DNAH6: variants seen among roughly 807,000 people sequenced by gnomAD.
DNAH6 encodes dynein axonemal heavy chain 6.
A neutral mutation model predicts 491.4 loss-of-function variants in DNAH6; 340 were observed. The ratio of observed to expected loss-of-function variants is 0.69; its 90% CI spans 0.63 to 0.76. The LOEUF is 0.76. Ranked by LOEUF, DNAH6 falls within the 30% of genes least tolerant of loss-of-function variation. The probability of loss-of-function intolerance (pLI) is 0.00; values close to 1 mark genes in which losing one functional copy is unlikely to be tolerated. For synonymous variants in DNAH6, 1,603 were observed against 1,686.1 expected (o/e 0.95, Z 1.21); for missense variants, 4,443 against 4,972.2 (o/e 0.89, Z 3.20).
chr2:84,731,972 C>T (rs1699155853), intron 61 of DNAH6, among the ~76,000 whole-genome samples: 1 of 152,118 alleles, frequency 6.6e-6, no homozygotes, highest in Non-Finnish European at 1.5e-5. Flanking sequence ...TAGATGCAGT[C>T]AGGGAAAGAA....
chr2:84,601,014 TTATAATAATAATGTTATTATTATAC>T (rs1248671822), intron 18 of DNAH6, among the ~76,000 whole-genome samples: 64 of 133,402 alleles, frequency 4.8e-4, no homozygotes, highest in East Asian at 9.8e-4. Context: ...TATAATAATA[TTATAATAATAATGTTATTATTATAC>T]TATAATAATA....
At chr2:84,737,351 TAGTG>T (rs1699605763) in intron 62 of DNAH6, among the ~76,000 whole-genome samples, 2 of 152,126 alleles carry the variant, frequency 1.3e-5, no homozygotes, top group Admixed American at 1.3e-4. Context: ...TAGAATGAGA[TAGTG>T]AGGAGTCCCT....
rs1399933692 is a variant in DNAH6, at chr2:84,711,517, G to A, written c.9378+1105G>A. 3.3e-5 allele frequency among the ~76,000 whole-genome samples: 5 copies of A among 152,128 alleles called. 1 individual carries two copies. The highest frequency in any genetic ancestry group is 1.2e-4 in the African/African-American group (5 of 41,416). ...ACTAGGAATTGTAATTAATATGTTAGCATTAACTAATATTTATTGCATGTT... is the reference window on the plus strand; with the variant it reads ...ACTAGGAATTGTAATTAATATGTTAACATTAACTAATATTTATTGCATGTT... On this transcript the variant is annotated intron_variant, in intron 56 of 76. Transcript: ENST00000389394.
Position 84,606,957 on chromosome 2 carries a change from T to C in DNAH6, c.3175-19T>C, listed in dbSNP as rs778880475. 48 of 1,547,454 alleles carry C rather than the reference T, an allele frequency of 3.1e-5. No individual in the cohort carries two copies. In the South Asian group the frequency reaches 5.7e-4, roughly 18 times the overall value. On this transcript the variant is annotated intron_variant, in intron 20 of 76. Coordinates refer to ENST00000389394, the MANE Select transcript of DNAH6 (RefSeq NM_001370.2). Reference sequence around the variant, plus strand: ...CAAATACTGGGTGCTGCATGTATTTTCTTCCCCTTCCTTTAAAGGTCCTTC... The same window carrying C: ...CAAATACTGGGTGCTGCATGTATTTCCTTCCCCTTCCTTTAAAGGTCCTTC...
At chr2:84,547,960 G>T (rs574062547) in intron 7 of DNAH6, among the ~76,000 whole-genome samples, 1 of 152,234 alleles carries the variant, frequency 6.6e-6, no homozygotes, top group South Asian at 2.1e-4. Context: ...TTGACCTTAG[G>T]ATTGACTCAG....
chr2:84,509,260 G>A, the DNAH6 span, among the ~76,000 whole-genome samples: 2 of 152,034 alleles, frequency 1.3e-5, no homozygotes, highest in South Asian at 2.1e-4. Flanking sequence ...TCCTGTATTG[G>A]GTGCATATAC....
chr2:84,495,387 T>C, the DNAH6 span, among the ~76,000 whole-genome samples: 1 of 152,188 alleles, frequency 6.6e-6, no homozygotes, highest in African/African-American at 2.4e-5. Context: ...GGTCTCGAAC[T>C]CCTGACCTCA....
Position 84,653,323 on chromosome 2 carries a change from A to G in DNAH6, c.5083A>G (p.Ile1695Val), listed in dbSNP as rs190676628. ...ATTTTATTTTTGTTTTGACAGTGGA[A>G]TCATATCTGACCTTTTTCCTGGAGT... Reference protein sequence around the residue: ...LTDDALLFSGIISDLFPGVQI... With the variant: ...LTDDALLFSGVISDLFPGVQI... Residue 1695 changes from isoleucine to valine, a missense_variant, in exon 34 of 77, where the codon ATC becomes GTC. Ile to Val is a conservative substitution (Grantham distance 29). This residue lies in a region of DNAH6 where 2,977 missense variants were observed against 3,296.6 expected (regional missense o/e 0.90). Coordinates refer to ENST00000389394, the MANE Select transcript of DNAH6 (RefSeq NM_001370.2). 2.0e-6 allele frequency: 3 copies of G among 1,520,760 alleles called. No homozygotes were observed. The highest frequency in any genetic ancestry group is 2.8e-5 in the African/African-American group (2 of 71,844). The allele number at this position is 1,520,760 out of a possible 1,614,324, so 94.2% of individuals were successfully genotyped here.
At chr2:84,594,746 G>A (rs1437319076) in intron 17 of DNAH6, among the ~76,000 whole-genome samples, 2 of 152,134 alleles carry the variant, frequency 1.3e-5, no homozygotes, top group East Asian at 1.9e-4. Flanking sequence ...CTGTGCTGAT[G>A]CCTATAATTA....
intron 2 of DNAH6, 28 bp downstream of exon 2, chr2:84,518,079 T>A: frequency 1.3e-6 from 2 of 1,492,734 alleles, no homozygotes; most frequent in Non-Finnish European, 1.8e-6. Context: ...TGTTTTAGCC[T>A]CTGTAGCCAC....
At chr2:84,477,624 C>A in the DNAH6 span, among the ~76,000 whole-genome samples, 1 of 152,158 alleles carries the variant, frequency 6.6e-6, no homozygotes, top group Non-Finnish European at 1.5e-5. Flanking sequence ...CACATTGACT[C>A]ACATTTTTGT....
At chr2:84,644,169 G>A (rs888969227) in intron 33 of DNAH6, among the ~76,000 whole-genome samples, 17 of 152,164 alleles carry the variant, frequency 1.1e-4, no homozygotes, top group African/African-American at 4.1e-4. Flanking sequence ...AGGTGGTACA[G>A]GGTGGCTACA....
chr2:84,691,797 T>TA (rs1172675886), intron 45 of DNAH6, among the ~76,000 whole-genome samples: 5 of 152,018 alleles, frequency 3.3e-5, no homozygotes, highest in Non-Finnish European at 7.4e-5. Flanking sequence ...TTTCAACCAT[T>TA]AAAAAAAATC....
intron 48 of DNAH6, 56 bp downstream of exon 48, chr2:84,699,790 G>C (rs1261227142): frequency 1.1e-5 from 17 of 1,521,378 alleles, no homozygotes; most frequent in Non-Finnish European, 1.5e-5. Context: ...GACTTTAAAG[G>C]GGTAACACAT....
At chr2:84,697,150 A>G (rs1021290182) in intron 46 of DNAH6, among the ~76,000 whole-genome samples, 1 of 152,212 alleles carries the variant, frequency 6.6e-6, no homozygotes, top group African/African-American at 2.4e-5. Flanking sequence ...GGGAAAAGAT[A>G]TATGCCTAAA....
chr2:84,522,605 T>G (rs1676255511), intron 2 of DNAH6, among the ~76,000 whole-genome samples: 1 of 152,030 alleles, frequency 6.6e-6, no homozygotes, highest in African/African-American at 2.4e-5. Context: ...ATGTTGGCTG[T>G]GAGTAATATA....
At chr2:84,521,723 A>G (rs1676161785) in intron 2 of DNAH6, among the ~76,000 whole-genome samples, 1 of 152,156 alleles carries the variant, frequency 6.6e-6, no homozygotes, top group South Asian at 2.1e-4. Flanking sequence ...CATTTATTGA[A>G]TAGGGAGTCC....
At position 84,796,382 on chromosome 2, in the gene DNAH6, T is replaced by C; in HGVS notation, c.11316T>C (p.Phe3772=). The change falls in exon 69 of 77, where the codon TTT becomes TTC. Residue 3772 remains phenylalanine, a synonymous_variant. Transcript: ENST00000389394. ...TTCGTACTATCTTGAAAAGATTTTTTTCTCCTGAAACATTAGAAGAAGATT... is the reference window on the plus strand; with the variant it reads ...TTCGTACTATCTTGAAAAGATTTTTCTCTCCTGAAACATTAGAAGAAGATT... The part of the protein sequence containing the change: ...RCLRTILKRF[F]SPETLEEDYK... The C allele has an allele frequency of 1.3e-6, 2 of 1,526,722 alleles. No individual in the cohort carries two copies. Among genetic ancestry groups the C allele is most frequent in the Non-Finnish European group, 1.8e-6 (2 of 1,130,498 alleles). 94.6% of individuals were successfully genotyped at this position (1,526,722 alleles called of 1,614,324 possible).
At chr2:84,671,659 C>A in intron 39 of DNAH6, among the ~76,000 whole-genome samples, 1 of 152,220 alleles carries the variant, frequency 6.6e-6, no homozygotes, top group East Asian at 1.9e-4. Context: ...CCCCTTCCTG[C>A]TGCTTGGCTT....
Sources: gnomAD v4.1 joint callset for allele counts (sites outside exome capture counted in the v4.1 genomes callset) on GRCh38, gnomAD v4.1.1 for gene constraint, gnomAD v4.1.1 regional missense constraint, MANE v1.5 for transcripts, NCBI Gene and HGNC (gene_info 2026-07-23, HGNC 2026-07-21) for gene names.